The following DPP10 variants were observed in gnomAD, a reference collection of about 807,000 sequenced individuals.
The protein encoded by DPP10 is dipeptidyl peptidase like 10.
DPP10 carries 33 observed loss-of-function variants against 120.9 expected under a neutral mutation model. The ratio of observed to expected loss-of-function variants is 0.27; its 90% confidence interval spans 0.21 to 0.37. DPP10 has a LOEUF of 0.37. DPP10 is among the 10% of genes least tolerant of loss of function. The pLI is 1.00. For synonymous variants in DPP10, 337 were observed against 326.1 expected, an observed-to-expected ratio of 1.03 and a Z score of -0.36; for missense variants, 816 against 942.8, an observed-to-expected ratio of 0.87 and a Z score of 1.76.
chr2:114,505,940 C>T (rs892421579), intron 1 of DPP10, among the ~76,000 whole-genome samples: 2 of 152,210 alleles, frequency 1.3e-5, no homozygotes, highest in Non-Finnish European at 2.9e-5. Flanking sequence ...TTCTATGCCT[C>T]ATTCTACTTT....
intron 2 of DPP10, among the ~76,000 whole-genome samples, chr2:115,332,210 A>C (rs977387412): frequency 2.6e-4 from 40 of 152,098 alleles, no homozygotes; most frequent in Middle Eastern, 3.4e-3. Flanking sequence ...GTTTATTTGC[A>C]TAGAGGTGTT....
chr2:115,192,270 A>G (rs910981257), intron 1 of DPP10, among the ~76,000 whole-genome samples: 3 of 152,252 alleles, frequency 2.0e-5, no homozygotes, highest in Non-Finnish European at 2.9e-5. Flanking sequence ...AAGGTGGTCT[A>G]CTATTACTAA....
intron 1 of DPP10, among the ~76,000 whole-genome samples, chr2:114,699,423 G>A (rs896139739): frequency 6.6e-6 from 1 of 151,980 alleles, no homozygotes; most frequent in Admixed American, 6.6e-5. Flanking sequence ...GAACGATATC[G>A]CTCCACAGTG....
intron 4 of DPP10, among the ~76,000 whole-genome samples, chr2:115,524,296 C>T (rs114741818): frequency 4.6e-5 from 7 of 152,238 alleles, no homozygotes; most frequent in Admixed American, 3.3e-4. Flanking sequence ...GTTCTCATTA[C>T]CCCTTTTCAG....
intron 1 of DPP10, among the ~76,000 whole-genome samples, chr2:115,007,838 GA>G (rs1251032927): frequency 5.5e-5 from 8 of 144,586 alleles, no homozygotes; most frequent in Non-Finnish European, 1.1e-4. Flanking sequence ...TTGCTTCAAA[GA>G]GAATAAAATA....
chr2:115,155,893 C>T (rs2051875937), intron 1 of DPP10, among the ~76,000 whole-genome samples: 1 of 152,196 alleles, frequency 6.6e-6, no homozygotes, highest in Non-Finnish European at 1.5e-5. Context: ...CGTTTCCCTT[C>T]CCTTTTTCTC....
chr2:114,553,335 A>C (rs1688038208), intron 1 of DPP10, among the ~76,000 whole-genome samples: 1 of 152,166 alleles, frequency 6.6e-6, no homozygotes, highest in Non-Finnish European at 1.5e-5. Flanking sequence ...TATAAGTGGA[A>C]ATTGGATCCA....
chr2:115,766,625 G>C (rs1319750650), intron 12 of DPP10, among the ~76,000 whole-genome samples: 5 of 151,900 alleles, frequency 3.3e-5, no homozygotes, highest in Admixed American at 3.3e-4. Flanking sequence ...TTCTTGTACT[G>C]CTATAAGAGA....
chr2:115,219,503 C>G (rs901240776), intron 1 of DPP10, among the ~76,000 whole-genome samples: 1 of 152,036 alleles, frequency 6.6e-6, no homozygotes, highest in African/African-American at 2.4e-5. Context: ...CTTTCTTTGT[C>G]CGTGGTGCTG....
intron 1 of DPP10, among the ~76,000 whole-genome samples, chr2:114,554,345 G>A (rs1688119755): frequency 6.6e-6 from 1 of 152,210 alleles, no homozygotes; most frequent in Admixed American, 6.5e-5. Context: ...TGGGCTGTGA[G>A]GAGTTCTGGT....
intron 19 of DPP10, among the ~76,000 whole-genome samples, chr2:115,807,789 A>G (rs1383328099): frequency 8.7e-6 from 1 of 115,132 alleles, no homozygotes; most frequent in Non-Finnish European, 1.9e-5. Context: ...CTTGGAGATC[A>G]AGAAAAAAAA....
rs189251333 is a variant in DPP10 at position 114,850,786 on chromosome 2, A to G, written c.60+407948A>G. 8.5e-5 allele frequency among the ~76,000 whole-genome samples: 13 copies of G among 152,324 alleles called. No individual in the cohort carries two copies. The East Asian group carries it at 1.9e-3, about 23-fold the overall frequency. On this transcript the variant is annotated intron_variant, in intron 1 of 25. Coordinates refer to ENST00000410059, the MANE Select transcript of DPP10 (RefSeq NM_020868.6). The stretch of plus-strand genomic sequence containing the variant: ...CTTCTTTCACTAGAATAAGAATTCC[A>G]AAAGACTAATACCCCAGACACTTTA...
chr2:114,857,938 A>G (rs930005378), intron 1 of DPP10, among the ~76,000 whole-genome samples: 3 of 152,054 alleles, frequency 2.0e-5, no homozygotes, highest in African/African-American at 7.2e-5. Flanking sequence ...CTGCCCACTT[A>G]TTGCCCATGT....
intron 1 of DPP10, among the ~76,000 whole-genome samples, chr2:114,762,080 A>G (rs116049641): frequency 0.017 from 2,594 of 152,278 alleles, 69 homozygotes; most frequent in African/African-American, 0.059. Context: ...CATGAAGCAG[A>G]TGCTACGCCT....
At chr2:115,396,666 C>G (rs1042479751) in intron 3 of DPP10, among the ~76,000 whole-genome samples, 5 of 152,152 alleles carry the variant, frequency 3.3e-5, no homozygotes, top group African/African-American at 1.2e-4. Flanking sequence ...ATTGTGTTAG[C>G]TTTTTACTGT....
intron 1 of DPP10, among the ~76,000 whole-genome samples, chr2:114,538,760 G>T (rs1686714231): frequency 6.6e-6 from 1 of 152,144 alleles, no homozygotes; most frequent in African/African-American, 2.4e-5. Context: ...GTATGGAAGT[G>T]CTTCTTCTTG....
At chr2:115,439,208 G>A (rs890775231) in intron 3 of DPP10, among the ~76,000 whole-genome samples, 109 of 139,908 alleles carry the variant, frequency 7.8e-4, no homozygotes, top group African/African-American at 3.1e-3. Context: ...GGTCATGGGA[G>A]CACAGTGTGG....
chr2:114,555,831 A>G (rs1438982362), intron 1 of DPP10, among the ~76,000 whole-genome samples: 1 of 152,190 alleles, frequency 6.6e-6, no homozygotes, highest in African/African-American at 2.4e-5. Context: ...CCAAATACTA[A>G]GAGGGTGGAG....
chr2:115,315,838 T>G (rs1399066484), intron 2 of DPP10, among the ~76,000 whole-genome samples: 2 of 152,156 alleles, frequency 1.3e-5, no homozygotes, highest in Non-Finnish European at 2.9e-5. Flanking sequence ...AGTTTCCCCC[T>G]GGATAATATG....
Sources: allele counts gnomAD v4.1 joint callset (sites outside exome capture counted in the v4.1 genomes callset), GRCh38; gene constraint gnomAD v4.1.1; transcripts MANE v1.5; gene names NCBI Gene and HGNC (gene_info 2026-07-23, HGNC 2026-07-21).